Variants in PHACTR1 observed in about 807,000 individuals in gnomAD.
PHACTR1 encodes RPEL repeat containing 1.
PHACTR1 carries 16 observed loss-of-function variants against 69.2 expected under a neutral mutation model. The ratio of observed to expected loss-of-function variants is 0.23; its 90% CI spans 0.16 to 0.35. The LOEUF (loss-of-function observed/expected upper bound fraction) is 0.35. Ranked by LOEUF, PHACTR1 falls within the 10% of genes least tolerant of loss-of-function variation. PHACTR1 has a pLI of 1.00. For missense variants in PHACTR1, 510 were observed against 734.7 expected, an observed-to-expected ratio of 0.69 and a Z score of 3.54; for synonymous variants, 312 against 284.5, an observed-to-expected ratio of 1.10 and a Z score of -0.97.
chr6:13,195,277 A>G lies in PHACTR1; in HGVS notation c.665-10538A>G, dbSNP rs145901733. Among the ~76,000 whole-genome samples the G allele has an allele frequency of 2.9e-4, 44 of 152,286 alleles. No homozygotes were observed. In the East Asian group the frequency reaches 8.5e-3, roughly 29 times the overall value. On this transcript the variant is annotated intron_variant, in intron 7 of 14. Transcript: ENST00000332995. ...ATAGTCCACCATCTTCAGGTGGAGT[A>G]CCTATAGCTAAGGTTAAGTAATTAA...
At chr6:12,935,013 C>T (rs1789282803) in intron 4 of PHACTR1, among the ~76,000 whole-genome samples, 1 of 152,186 alleles carries the variant, frequency 6.6e-6, no homozygotes, top group South Asian at 2.1e-4. Flanking sequence ...CTCACTTTCT[C>T]TATCTTTAAA....
intron 5 of PHACTR1, among the ~76,000 whole-genome samples, chr6:13,090,914 T>A (rs1210247427): frequency 2.0e-5 from 3 of 152,168 alleles, no homozygotes; most frequent in Admixed American, 6.5e-5. Context: ...TTTATTTCTA[T>A]TATTATTACA....
At chr6:13,259,964 TG>T (rs1775685628) in intron 10 of PHACTR1, among the ~76,000 whole-genome samples, 1 of 152,180 alleles carries the variant, frequency 6.6e-6, no homozygotes, top group Non-Finnish European at 1.5e-5. Context: ...AAAGCAAAAC[TG>T]CTGTTCAGCC....
chr6:13,054,159 A>C (rs1165838057), intron 5 of PHACTR1, among the ~76,000 whole-genome samples: 1 of 152,238 alleles, frequency 6.6e-6, no homozygotes, highest in Non-Finnish European at 1.5e-5. Context: ...TGCTGGTTAT[A>C]TGATCTTGCT....
At position 12,902,499 on chromosome 6, in the gene PHACTR1, T is replaced by C. The variant is rs55721409; in HGVS notation, c.251-150866T>C. On this transcript the variant is annotated intron_variant, in intron 4 of 14. Transcript: ENST00000332995. ...CTTCCAATACTTCTAGGTTCGTCCA[T>C]TGGATGAACTTCTAGGTTCTTCCAT... 7.9e-3 allele frequency among the ~76,000 whole-genome samples: 1,201 copies of C among 152,216 alleles called. 13 individuals carry two copies. Among genetic ancestry groups the C allele is most frequent in the Non-Finnish European group, 0.012 (813 of 67,994 alleles).
intron 4 of PHACTR1, among the ~76,000 whole-genome samples, chr6:12,900,604 G>C (rs1401995017): frequency 1.3e-5 from 2 of 152,132 alleles, no homozygotes; most frequent in Non-Finnish European, 2.9e-5. Context: ...CGGCTGAGTG[G>C]GGAGGATTAC....
At chr6:12,950,967 A>T (rs1228716052) in intron 4 of PHACTR1, among the ~76,000 whole-genome samples, 2 of 152,154 alleles carry the variant, frequency 1.3e-5, no homozygotes, top group Non-Finnish European at 2.9e-5. Flanking sequence ...CAAATTCCAC[A>T]TGGTGCCTTG....
At chr6:12,963,923 G>A (rs962125498) in intron 4 of PHACTR1, among the ~76,000 whole-genome samples, 3 of 152,164 alleles carry the variant, frequency 2.0e-5, no homozygotes, top group South Asian at 2.1e-4. Flanking sequence ...GGGCCTGGAG[G>A]CTGAAAATGT....
chr6:12,957,028 A>ACCC (rs1791970536), intron 4 of PHACTR1, among the ~76,000 whole-genome samples: 1 of 116,730 alleles, frequency 8.6e-6, no homozygotes, highest in Non-Finnish European at 1.6e-5. Flanking sequence ...GTTAATTGTC[A>ACCC]TTGTGTCGCG....
rs571806433 is a variant in PHACTR1 at position 12,917,919 on chromosome 6, G to A, written c.251-135446G>A. Among the ~76,000 whole-genome samples, 21 of 152,230 alleles carry A rather than the reference G, an allele frequency of 1.4e-4. No homozygotes were observed. The South Asian group carries it at 4.2e-3, about 30-fold the overall frequency. ...ATTCAGGCACCACTATTCTGATTGT[G>A]CACTAAACACAGAATGCAATTCGTG... On this transcript the variant is annotated intron_variant, in intron 4 of 14. Coordinates refer to ENST00000332995, the MANE Select transcript of PHACTR1 (RefSeq NM_030948.6).
intron 4 of PHACTR1, among the ~76,000 whole-genome samples, chr6:12,837,074 A>G (rs1778243233): frequency 6.6e-6 from 1 of 152,154 alleles, no homozygotes; most frequent in Admixed American, 6.6e-5. Context: ...TGCAATCATT[A>G]AAGTCTTTCT....
At chr6:12,945,714 A>G (rs1273946160) in intron 4 of PHACTR1, among the ~76,000 whole-genome samples, 2 of 152,160 alleles carry the variant, frequency 1.3e-5, no homozygotes, top group Non-Finnish European at 2.9e-5. Flanking sequence ...CTGTAATCCC[A>G]GCATTTTGGG....
chr6:13,126,878 A>C (rs1243386924), intron 5 of PHACTR1, among the ~76,000 whole-genome samples: 1 of 152,214 alleles, frequency 6.6e-6, no homozygotes, highest in Non-Finnish European at 1.5e-5. Flanking sequence ...AGGAGAGGCA[A>C]ATTTTTACCT....
chr6:12,882,988 G>A (rs1783245934), intron 4 of PHACTR1, among the ~76,000 whole-genome samples: 1 of 152,198 alleles, frequency 6.6e-6, no homozygotes, highest in African/African-American at 2.4e-5. Flanking sequence ...CTGTTTGGAG[G>A]AGGTGTTAGG....
At chr6:13,214,625 G>A (rs540116452) in intron 8 of PHACTR1, among the ~76,000 whole-genome samples, 2 of 152,118 alleles carry the variant, frequency 1.3e-5, no homozygotes, top group East Asian at 1.9e-4. Context: ...AGAATTTTAC[G>A]CTGAGACCTG....
chr6:12,855,660 G>A (rs1780273255), intron 4 of PHACTR1, among the ~76,000 whole-genome samples: 1 of 152,090 alleles, frequency 6.6e-6, no homozygotes, highest in Admixed American at 6.5e-5. Flanking sequence ...AGGGAGGAAG[G>A]GAGGTAGTGG....
intron 4 of PHACTR1, among the ~76,000 whole-genome samples, chr6:13,050,238 C>A (rs906363978): frequency 1.3e-5 from 2 of 152,160 alleles, no homozygotes; most frequent in Non-Finnish European, 2.9e-5. Context: ...GATTTGATTT[C>A]TTTTTTTATT....
At chr6:12,788,667 G>A (rs1771851099) in intron 4 of PHACTR1, among the ~76,000 whole-genome samples, 1 of 152,182 alleles carries the variant, frequency 6.6e-6, no homozygotes, top group South Asian at 2.1e-4. Flanking sequence ...AGAGAAAAGT[G>A]GCCAAGGCCT....
intron 9 of PHACTR1, 149 bp from the exon 10 acceptor site, chr6:13,229,888 G>A (rs1316242432): frequency 5.6e-6 from 5 of 895,970 alleles, no homozygotes; most frequent in African/African-American, 1.7e-5. Context: ...GGCAATGGCA[G>A]GAACTCTAGG....
Sources: allele counts gnomAD v4.1 joint callset (sites outside exome capture counted in the v4.1 genomes callset), GRCh38; gene constraint gnomAD v4.1.1; transcripts MANE v1.5; gene names NCBI Gene and HGNC (gene_info 2026-07-23, HGNC 2026-07-21).